The following ATP8A1 variants were observed in gnomAD, a reference collection of about 807,000 sequenced individuals.
The protein encoded by ATP8A1 is phospholipid-transporting ATPase IA.
Under a neutral mutation model 177.7 loss-of-function variants are expected in ATP8A1, and 90 were observed. The observed-to-expected ratio is 0.51, with a 90% CI of 0.43 to 0.60. The LOEUF (loss-of-function observed/expected upper bound fraction) is 0.60, where lower values mean the gene tolerates loss of function less well. ATP8A1 is among the 20% of genes least tolerant of loss of function. ATP8A1 has a pLI of 0.00. For synonymous variants in ATP8A1, 493 were observed against 485.9 expected, an observed-to-expected ratio of 1.01 and a Z score of -0.19; for missense variants, 1,072 against 1,392.8, an observed-to-expected ratio of 0.77 and a Z score of 3.67.
intron 9 of ATP8A1, among the ~76,000 whole-genome samples, chr4:42,585,933 G>A (rs1263195591): frequency 6.6e-6 from 1 of 152,180 alleles, no homozygotes; most frequent in Non-Finnish European, 1.5e-5. Context: ...ACCCCTTGAA[G>A]GTAGAGTCTG....
chr4:42,471,860 C>T (rs974190847), intron 25 of ATP8A1: 25 of 603,274 alleles, frequency 4.1e-5, no homozygotes, highest in South Asian at 1.0e-4. Context: ...AGACGCCAAA[C>T]GAGTTAAGAG....
intron 15 of ATP8A1, among the ~76,000 whole-genome samples, chr4:42,558,588 A>G (rs1730491250): frequency 6.6e-6 from 1 of 152,258 alleles, no homozygotes; most frequent in South Asian, 2.1e-4. Context: ...CTTAATCAGT[A>G]TAGTTGTCCT....
chr4:42,622,156 A>G (rs1737530899), intron 4 of ATP8A1, among the ~76,000 whole-genome samples: 2 of 151,358 alleles, frequency 1.3e-5, no homozygotes, highest in Non-Finnish European at 3.0e-5. Context: ...TGGGTGGATC[A>G]CCTGAGGTCA....
intron 24 of ATP8A1, among the ~76,000 whole-genome samples, chr4:42,487,313 G>A (rs1332138978): frequency 6.6e-6 from 1 of 152,064 alleles, no homozygotes; most frequent in African/African-American, 2.4e-5. Flanking sequence ...GCTCTTCAAA[G>A]GGATAAAGTT....
chr4:42,648,530 C>T (rs942219805), intron 1 of ATP8A1, among the ~76,000 whole-genome samples: 1 of 151,692 alleles, frequency 6.6e-6, no homozygotes, highest in South Asian at 2.1e-4. Context: ...TCACATTTCA[C>T]CACAAAGTAA....
In ATP8A1 at chr4:42,555,085, G is replaced by GTATCTATC. The variant is rs200520162; in HGVS notation, c.1413+875_1413+882dup. ...ACTTAATAAACTCCCCTTTGTGTGT[G>GTATCTATC]TATCTATCTATCTATCTATCTATCT... On this transcript the variant is annotated intron_variant, in intron 16 of 36. Coordinates refer to ENST00000381668, the MANE Select transcript of ATP8A1 (RefSeq NM_006095.2). 4.1e-3 allele frequency among the ~76,000 whole-genome samples: 486 copies of GTATCTATC among 119,556 alleles called. 16 individuals are homozygous for GTATCTATC. Among genetic ancestry groups the GTATCTATC allele is most frequent in the Middle Eastern group, 0.012 (3 of 256 alleles). 78.4% of individuals were successfully genotyped at this position (119,556 alleles called of 152,430 possible). A position where few individuals can be genotyped will look rare whatever the true frequency, so the allele number is the denominator to read the frequency against.
intron 22 of ATP8A1, among the ~76,000 whole-genome samples, chr4:42,508,690 C>T (rs1300008718): frequency 6.6e-6 from 1 of 152,212 alleles, no homozygotes; most frequent in African/African-American, 2.4e-5. Flanking sequence ...CCAACTGATT[C>T]TCAGTCTTGC....
intron 25 of ATP8A1, among the ~76,000 whole-genome samples, chr4:42,468,452 CAG>C (rs1553880479): frequency 2.9e-4 from 42 of 146,282 alleles, no homozygotes; most frequent in East Asian, 8.1e-4. Flanking sequence ...CACACACACA[CAG>C]ACACACACAT....
chr4:42,586,828 C>T (rs1401377070), intron 8 of ATP8A1, among the ~76,000 whole-genome samples: 1 of 152,160 alleles, frequency 6.6e-6, no homozygotes, highest in Non-Finnish European at 1.5e-5. Flanking sequence ...AGAATCTAAA[C>T]AAGATGAAAA....
At chr4:42,635,318 A>G (rs1739160440) in intron 1 of ATP8A1, among the ~76,000 whole-genome samples, 1 of 152,096 alleles carries the variant, frequency 6.6e-6, no homozygotes, top group Non-Finnish European at 1.5e-5. Context: ...CTTTATTGCA[A>G]TTATAAGTAA....
intron 29 of ATP8A1, 126 bp from the exon 30 acceptor site, chr4:42,452,185 A>C: frequency 1.7e-6 from 1 of 579,446 alleles, no homozygotes; most frequent in Non-Finnish European, 3.1e-6. Flanking sequence ...CTGTGAATTA[A>C]TAGAACTGAC....
At chr4:42,463,415 C>T (rs1428037883) in intron 27 of ATP8A1, among the ~76,000 whole-genome samples, 6 of 152,172 alleles carry the variant, frequency 3.9e-5, no homozygotes, top group Non-Finnish European at 8.8e-5. Context: ...ATGTAAGATG[C>T]GACTCGCTCC....
intron 5 of ATP8A1, among the ~76,000 whole-genome samples, chr4:42,605,001 T>G (rs1735650927): frequency 6.6e-6 from 1 of 152,200 alleles, no homozygotes; most frequent in African/African-American, 2.4e-5. Context: ...GGTTAGTGAT[T>G]GCAAGGGATT....
At chr4:42,483,879 T>C (rs151003714) in intron 25 of ATP8A1, among the ~76,000 whole-genome samples, 18 of 152,326 alleles carry the variant, frequency 1.2e-4, no homozygotes, top group African/African-American at 4.3e-4. Context: ...CAAGTGTTAC[T>C]CATCTTTTAT....
At chr4:42,593,549 AG>A (rs1338873789) in intron 6 of ATP8A1, among the ~76,000 whole-genome samples, 1 of 152,084 alleles carries the variant, frequency 6.6e-6, no homozygotes, top group Non-Finnish European at 1.5e-5. Context: ...TTTTGAAAAA[AG>A]GACACTGTCC....
chr4:42,548,680 C>G (rs1232166039), intron 19 of ATP8A1, among the ~76,000 whole-genome samples: 1 of 152,074 alleles, frequency 6.6e-6, no homozygotes, highest in East Asian at 1.9e-4. Context: ...ACCCATTAAC[C>G]AACCTCTCTT....
rs1279984098 is a variant in ATP8A1, at chr4:42,635,778, C to CATATATATATATAT, written c.50-8670_50-8669insATATATATATATAT. On this transcript the variant is annotated intron_variant, in intron 1 of 36. Coordinates refer to ENST00000381668, the MANE Select transcript of ATP8A1 (RefSeq NM_006095.2). Reference sequence around the variant, plus strand: ...ATACACACACACACACACACACACACACACATATATATATATATATATATA... The same window carrying CATATATATATATAT: ...ATACACACACACACACACACACACACATATATATATATATACACATATATATATATATATATATA... Among the ~76,000 whole-genome samples, 114 of 33,552 alleles carry CATATATATATATAT rather than the reference C, an allele frequency of 3.4e-3. 1 individual carries two copies. The highest frequency in any genetic ancestry group is 4.4e-3 in the South Asian group (4 of 912). 22.0% of individuals were successfully genotyped at this position (33,552 alleles called of 152,430 possible). A position where few individuals can be genotyped will look rare whatever the true frequency, so the allele number is the denominator to read the frequency against.
chr4:42,570,382 C>T (rs1731780972), intron 14 of ATP8A1, among the ~76,000 whole-genome samples: 1 of 152,212 alleles, frequency 6.6e-6, no homozygotes. Context: ...CTGGCTGCAA[C>T]TCCATGTTTA....
At chr4:42,416,402 T>G (rs1322531743) in intron 35 of ATP8A1, among the ~76,000 whole-genome samples, 1 of 152,168 alleles carries the variant, frequency 6.6e-6, no homozygotes, top group East Asian at 1.9e-4. Context: ...CATAATACTT[T>G]AATATTACAA....
Sources: gnomAD v4.1 joint callset for allele counts (sites outside exome capture counted in the v4.1 genomes callset) on GRCh38, gnomAD v4.1.1 for gene constraint, MANE v1.5 for transcripts, NCBI Gene and HGNC (gene_info 2026-07-23, HGNC 2026-07-21) for gene names.